GLRX3: variants seen among roughly 807,000 people sequenced by gnomAD.
GLRX3 encodes the protein glutaredoxin 3.
A neutral mutation model predicts 49.5 loss-of-function variants in GLRX3; 22 were observed. The observed-to-expected ratio is 0.44, with a 90% confidence interval of 0.32 to 0.63. The LOEUF is 0.63. GLRX3 is among the 30% of genes least tolerant of loss of function. The probability of loss-of-function intolerance (pLI) is 0.05; values close to 1 mark genes in which losing one functional copy is unlikely to be tolerated. For synonymous variants in GLRX3, 133 were observed against 140.0 expected (o/e 0.95, Z 0.35); for missense variants, 385 against 396.3 (o/e 0.97, Z 0.24).
chr10:130,148,071 G>A (rs1862301268), intron 2 of GLRX3, among the ~76,000 whole-genome samples: 1 of 152,096 alleles, frequency 6.6e-6, no homozygotes, highest in Non-Finnish European at 1.5e-5. Flanking sequence ...TTTTGTTAAT[G>A]AGAGTTTTTG....
intron 8 of GLRX3, among the ~76,000 whole-genome samples, chr10:130,173,537 C>A (rs566009268): frequency 6.6e-6 from 1 of 152,254 alleles, no homozygotes; most frequent in South Asian, 2.1e-4. Flanking sequence ...TGGTTGAGAA[C>A]CAAGTGTATA....
At position 130,174,994 on chromosome 10, in the gene GLRX3, T is replaced by C. The variant is rs750119967; in HGVS notation, c.865-3T>C. On this transcript the variant is annotated splice_region_variant and splice_polypyrimidine_tract_variant and intron_variant, in intron 9 of 10. Coordinates refer to ENST00000331244, the MANE Select transcript of GLRX3 (RefSeq NM_006541.5). ...GGTTTCAGGATTCCTGTTGTTTCTT[T>C]AGGTTCGGCAAGGATTAAAAGCTTA... is the stretch of plus-strand genomic sequence containing the variant. The C allele has an allele frequency of 6.2e-7, 1 of 1,604,396 alleles. No homozygotes were observed. The highest frequency in any genetic ancestry group is 1.1e-5 in the South Asian group (1 of 90,874).
At chr10:130,161,124 T>C in intron 4 of GLRX3, 127 bp downstream of exon 4, 1 of 658,658 alleles carries the variant, frequency 1.5e-6, no homozygotes. Flanking sequence ...TCACATACTT[T>C]TAGAAAATCA....
intron 10 of GLRX3, among the ~76,000 whole-genome samples, chr10:130,178,151 G>A (rs556426444): frequency 2.7e-4 from 41 of 152,288 alleles, no homozygotes; most frequent in African/African-American, 9.9e-4. Context: ...TGCCAGGTTG[G>A]GTTTCAATAG....
At chr10:130,153,315 A>G (rs1003369766) in intron 2 of GLRX3, among the ~76,000 whole-genome samples, 1 of 152,190 alleles carries the variant, frequency 6.6e-6, no homozygotes, top group African/African-American at 2.4e-5. Flanking sequence ...TGTTGAACTC[A>G]TTCTCTGTCC....
Position 130,169,486 on chromosome 10 carries a change from A to G in GLRX3, c.767A>G (p.Lys256Arg). 6.3e-7 allele frequency: 1 copy of G among 1,599,944 alleles called. No individual in the cohort carries two copies. The highest frequency in any genetic ancestry group is 8.6e-7 in the Non-Finnish European group (1 of 1,167,008). Residue 256 changes from lysine to arginine, a missense_variant, in exon 7 of 11, where the codon AAA becomes AGA. By Grantham distance (26) the Lys-to-Arg change is conservative (BLOSUM62 2). Around this residue, in one of 2 missense-constraint regions of GLRX3, gnomAD observed 374 missense variants for 358.6 expected, o/e 1.04. Coordinates refer to ENST00000331244, the MANE Select transcript of GLRX3 (RefSeq NM_006541.5). ...ASVMLFMKGN[K>R]QEAKCGFSKQ... ...GTGATGCTCTTTATGAAAGGAAACA[A>G]ACAGGTAAAGAACTCAAAAATGGTT...
In GLRX3 at chr10:130,169,499, C is replaced by T; in HGVS notation, c.771+9C>T. 1 of 1,573,824 alleles carries T rather than the reference C, an allele frequency of 6.4e-7. No individual in the cohort carries two copies. ...TGAAAGGAAACAAACAGGTAAAGAA[C>T]TCAAAAATGGTTTTATTTGTAATTT... On this transcript the variant is annotated intron_variant, in intron 7 of 10. Transcript: ENST00000331244.
At chr10:130,165,740 A>C (rs1162606048) in intron 4 of GLRX3, among the ~76,000 whole-genome samples, 2 of 152,378 alleles carry the variant, frequency 1.3e-5, no homozygotes, top group East Asian at 3.9e-4. Flanking sequence ...CTCAGGAAGT[A>C]GTAAAATGGC....
At chr10:130,150,399 G>T (rs1317908269) in intron 2 of GLRX3, among the ~76,000 whole-genome samples, 1 of 152,076 alleles carries the variant, frequency 6.6e-6, no homozygotes, top group Non-Finnish European at 1.5e-5. Flanking sequence ...ATGTACTTCA[G>T]TGCAAACATT....
intron 8 of GLRX3, among the ~76,000 whole-genome samples, chr10:130,172,318 A>G (rs1862826374): frequency 6.6e-6 from 1 of 152,202 alleles, no homozygotes; most frequent in African/African-American, 2.4e-5. Context: ...GGCACATATT[A>G]AGGTCCATTA....
chr10:130,138,550 C>T (rs1342548213), intron 1 of GLRX3, among the ~76,000 whole-genome samples: 2 of 152,150 alleles, frequency 1.3e-5, no homozygotes, highest in African/African-American at 2.4e-5. Flanking sequence ...TTAAACAGCT[C>T]TTTAGGCATT....
rs373775553 is a variant in GLRX3 at position 130,166,639 on chromosome 10, A to G, written c.611A>G (p.Tyr204Cys). The change falls in exon 5 of 11, where the codon TAT becomes TGT. Residue 204 changes from tyrosine (Y) to cysteine (C), a missense_variant. By Grantham distance (194) the Tyr-to-Cys change is radical. Around this residue, in one of 2 missense-constraint regions of GLRX3, gnomAD observed 374 missense variants for 358.6 expected, o/e 1.04. Transcript: ENST00000331244. Reference sequence around the variant, plus strand: ...AGTTGGCCTACCTATCCTCAGCTCTATGTTTCTGGAGAGCTCATAGGAGGA... The same window carrying G: ...AGTTGGCCTACCTATCCTCAGCTCTGTGTTTCTGGAGAGCTCATAGGAGGA... ...YSSWPTYPQL[Y>C]VSGELIGGLD... 2.1e-5 allele frequency: 34 copies of G among 1,610,368 alleles called. No individual in the cohort carries two copies. Among genetic ancestry groups the G allele is most frequent in the Non-Finnish European group, 2.6e-5 (31 of 1,176,592 alleles).
At chr10:130,141,344 T>G (rs555865414) in intron 1 of GLRX3, among the ~76,000 whole-genome samples, 7 of 152,106 alleles carry the variant, frequency 4.6e-5, no homozygotes, top group Non-Finnish European at 7.4e-5. Context: ...TGGAAAATGG[T>G]ATCCCAGCTT....
chr10:130,150,399 G>A (rs1317908269), intron 2 of GLRX3, among the ~76,000 whole-genome samples: 1 of 152,076 alleles, frequency 6.6e-6, no homozygotes, highest in African/African-American at 2.4e-5. Context: ...ATGTACTTCA[G>A]TGCAAACATT....
At chr10:130,170,508 A>T (rs1862783392) in intron 7 of GLRX3, among the ~76,000 whole-genome samples, 1 of 152,244 alleles carries the variant, frequency 6.6e-6, no homozygotes, top group African/African-American at 2.4e-5. Flanking sequence ...TATAAATTTC[A>T]GCATGTTGGA....
chr10:130,156,082 T>G (rs1388478628), intron 2 of GLRX3, among the ~76,000 whole-genome samples: 1 of 152,200 alleles, frequency 6.6e-6, no homozygotes, highest in Non-Finnish European at 1.5e-5. Flanking sequence ...ATTGTCCTAG[T>G]CCATTTGTGC....
intron 2 of GLRX3, among the ~76,000 whole-genome samples, chr10:130,147,690 C>G (rs1184542991): frequency 6.6e-6 from 1 of 152,182 alleles, no homozygotes; most frequent in Non-Finnish European, 1.5e-5. Flanking sequence ...AAGGCACTTG[C>G]CGGACAATAG....
chr10:130,152,375 C>T (rs777317785), intron 2 of GLRX3, among the ~76,000 whole-genome samples: 2 of 152,132 alleles, frequency 1.3e-5, no homozygotes, highest in Admixed American at 1.3e-4. Context: ...TTTGCCCGTT[C>T]GTTAATGCAG....
At chr10:130,164,441 G>T (rs956938471) in intron 4 of GLRX3, among the ~76,000 whole-genome samples, 3 of 152,154 alleles carry the variant, frequency 2.0e-5, no homozygotes, top group Non-Finnish European at 1.5e-5. Flanking sequence ...ATCCAGCCGG[G>T]CTCTTACTTT....
Sources: gnomAD v4.1 joint callset for allele counts (sites outside exome capture counted in the v4.1 genomes callset) on GRCh38, gnomAD v4.1.1 for gene constraint, gnomAD v4.1.1 regional missense constraint, MANE v1.5 for transcripts, NCBI Gene and HGNC (gene_info 2026-07-23, HGNC 2026-07-21) for gene names.